The following GPM6A variants were observed in gnomAD, a reference collection of about 807,000 sequenced individuals.
GPM6A encodes the protein glycoprotein M6A, also known as neuronal membrane glycoprotein M6-a.
GPM6A carries 7 observed loss-of-function variants against 32.1 expected under a neutral mutation model. That is an observed-to-expected ratio of 0.22 (90% confidence interval 0.12 to 0.41). The LOEUF (loss-of-function observed/expected upper bound fraction) is 0.41. Ranked by LOEUF, GPM6A falls within the 10% of genes least tolerant of loss-of-function variation. The pLI, the probability that GPM6A is intolerant of heterozygous loss-of-function variation, is 1.00. For synonymous variants in GPM6A, 130 were observed against 123.4 expected, an observed-to-expected ratio of 1.05 and a Z score of -0.35; for missense variants, 235 against 347.2, an observed-to-expected ratio of 0.68 and a Z score of 2.57.
chr4:175,773,079 T>C (rs1277157540), intron 1 of GPM6A, among the ~76,000 whole-genome samples: 1 of 152,244 alleles, frequency 6.6e-6, no homozygotes. Flanking sequence ...AATGATGTTT[T>C]GGTGGTGATT....
At chr4:175,970,584 T>C (rs1241207953) in intron 1 of GPM6A, among the ~76,000 whole-genome samples, 1 of 152,202 alleles carries the variant, frequency 6.6e-6, no homozygotes, top group Non-Finnish European at 1.5e-5. Flanking sequence ...ACAAATTCTT[T>C]CTAAGCTTAT....
chr4:175,787,697 A>T, intron 1 of GPM6A: 1 of 826,964 alleles, frequency 1.2e-6, no homozygotes, highest in Non-Finnish European at 1.5e-6. Context: ...TTTCTTTGAA[A>T]AATCTGTTCC....
intron 1 of GPM6A, among the ~76,000 whole-genome samples, chr4:175,841,168 T>C (rs566223091): frequency 1.3e-5 from 2 of 152,304 alleles, no homozygotes; most frequent in African/African-American, 4.8e-5. Flanking sequence ...TGCATTTAGA[T>C]AAGCAACATG....
chr4:175,655,006 G>C (rs1314364552), intron 3 of GPM6A, among the ~76,000 whole-genome samples: 1 of 152,004 alleles, frequency 6.6e-6, no homozygotes, highest in Non-Finnish European at 1.5e-5. Context: ...TAATTCAATA[G>C]GTTTAGATTC....
intron 1 of GPM6A, among the ~76,000 whole-genome samples, chr4:175,848,714 AT>A (rs2111397912): frequency 6.6e-6 from 1 of 152,294 alleles, no homozygotes; most frequent in African/African-American, 2.4e-5. Context: ...ATGTTCTGAA[AT>A]TTCAAGAGAT....
intron 3 of GPM6A, among the ~76,000 whole-genome samples, chr4:175,662,953 TTAAG>T (rs1343516068): frequency 5.3e-5 from 8 of 152,152 alleles, no homozygotes; most frequent in Non-Finnish European, 1.2e-4. Flanking sequence ...TATAAAATCA[TTAAG>T]TAATAAGAAC....
At chr4:175,892,417 G>C (rs577552333) in intron 1 of GPM6A, among the ~76,000 whole-genome samples, 3 of 152,100 alleles carry the variant, frequency 2.0e-5, no homozygotes, top group East Asian at 3.9e-4. Context: ...CCTTCAACTT[G>C]TAATTCATGT....
chr4:175,665,007 G>GT (rs1472636296), intron 3 of GPM6A, among the ~76,000 whole-genome samples: 2 of 152,274 alleles, frequency 1.3e-5, no homozygotes, highest in African/African-American at 4.8e-5. Flanking sequence ...GTAAGTATTT[G>GT]TGTCTCTAAA....
At chr4:175,960,104 T>C (rs1427416151) in intron 1 of GPM6A, among the ~76,000 whole-genome samples, 1 of 152,198 alleles carries the variant, frequency 6.6e-6, no homozygotes, top group Non-Finnish European at 1.5e-5. Context: ...TAGTCAAATA[T>C]TCTACTTTGG....
chr4:175,844,072 C>A (rs1229679666), intron 1 of GPM6A, among the ~76,000 whole-genome samples: 1 of 152,202 alleles, frequency 6.6e-6, no homozygotes, highest in Non-Finnish European at 1.5e-5. Context: ...CCACTGACCA[C>A]ATCACTCTGC....
At chr4:175,747,010 G>A (rs779879555) in intron 1 of GPM6A, among the ~76,000 whole-genome samples, 2 of 152,038 alleles carry the variant, frequency 1.3e-5, no homozygotes, top group African/African-American at 2.4e-5. Context: ...GGTGGCTCAC[G>A]CCTGTAATCC....
At chr4:175,904,256 TATGAC>T (rs1264341585) in intron 1 of GPM6A, among the ~76,000 whole-genome samples, 1 of 152,192 alleles carries the variant, frequency 6.6e-6, no homozygotes, top group Admixed American at 6.5e-5. Flanking sequence ...TTTTTCAGTT[TATGAC>T]AGGCAACCGA....
chr4:175,989,316 T>C (rs1741069113), intron 1 of GPM6A, among the ~76,000 whole-genome samples: 1 of 152,126 alleles, frequency 6.6e-6, no homozygotes, highest in Non-Finnish European at 1.5e-5. Context: ...GATAATAGCC[T>C]CTTTAAACAT....
intron 1 of GPM6A, among the ~76,000 whole-genome samples, chr4:175,931,709 C>CACATATATATAT (rs1324269132): frequency 1.5e-5 from 2 of 129,298 alleles, no homozygotes; most frequent in African/African-American, 5.7e-5. Context: ...CACACACACA[C>CACATATATATAT]ATATATATAT....
In GPM6A at chr4:175,826,285, T is replaced by TTC. The variant is rs767804970; in HGVS notation, c.-22-14038_-22-14037dup. 3.2e-3 allele frequency among the ~76,000 whole-genome samples: 478 copies of TTC among 148,148 alleles called. 3 individuals carry two copies. The highest frequency in any genetic ancestry group is 7.1e-3 in the Middle Eastern group (2 of 280). The stretch of plus-strand genomic sequence containing the variant: ...ACCTAATGCAGAAATTAATCTCTCT[T>TTC]TCTCTCTCTCTCTCTCTCTCCCCCT... On this transcript the variant is annotated intron_variant, in intron 1 of 7. Transcript: ENST00000280187.
At chr4:175,725,461 T>G (rs1746358125) in intron 1 of GPM6A, among the ~76,000 whole-genome samples, 1 of 152,004 alleles carries the variant, frequency 6.6e-6, no homozygotes, top group African/African-American at 2.4e-5. Flanking sequence ...CCTGGCTAAA[T>G]TTTTAATTTT....
chr4:175,876,092 TAGAC>T (rs1382319429), intron 1 of GPM6A, among the ~76,000 whole-genome samples: 1 of 152,164 alleles, frequency 6.6e-6, no homozygotes, highest in Admixed American at 6.5e-5. Context: ...TTGAGAACGT[TAGAC>T]AAAATTTTAA....
chr4:175,835,048 C>T (rs1735721857), intron 1 of GPM6A, among the ~76,000 whole-genome samples: 1 of 152,110 alleles, frequency 6.6e-6, no homozygotes, highest in African/African-American at 2.4e-5. Flanking sequence ...TGCATTCATG[C>T]CTTGAGAAGA....
chr4:175,877,411 C>T (rs1207936888), intron 1 of GPM6A, among the ~76,000 whole-genome samples: 1 of 152,138 alleles, frequency 6.6e-6, no homozygotes, highest in African/African-American at 2.4e-5. Context: ...TGAAGAAATA[C>T]CCAAGACTAG....
Sources: gnomAD v4.1 joint callset for allele counts (sites outside exome capture counted in the v4.1 genomes callset) on GRCh38, gnomAD v4.1.1 for gene constraint, MANE v1.5 for transcripts, NCBI Gene and HGNC (gene_info 2026-07-23, HGNC 2026-07-21) for gene names.